The following MAPK10 variants were observed in gnomAD, a reference collection of about 807,000 sequenced individuals.
MAPK10 encodes JNK3 alpha protein kinase.
Under a neutral mutation model 59.3 loss-of-function variants are expected in MAPK10, and 25 were observed. The ratio of observed to expected loss-of-function variants is 0.42; its 90% CI spans 0.31 to 0.59. The LOEUF (loss-of-function observed/expected upper bound fraction) is 0.59, where lower values mean the gene tolerates loss of function less well. MAPK10 is among the 20% of genes least tolerant of loss of function. The probability of loss-of-function intolerance (pLI) is 0.15; values close to 1 mark genes in which losing one functional copy is unlikely to be tolerated. For missense variants in MAPK10, 351 were observed against 568.9 expected, an observed-to-expected ratio of 0.62 and a Z score of 3.90; for synonymous variants, 190 against 200.5, an observed-to-expected ratio of 0.95 and a Z score of 0.44.
chr4:86,204,567 A>C (rs534200788), intron 2 of MAPK10, among the ~76,000 whole-genome samples: 2 of 152,122 alleles, frequency 1.3e-5, no homozygotes, highest in South Asian at 2.1e-4. Flanking sequence ...ACAGCATACA[A>C]ATATGAGAAA....
chr4:86,551,752 G>GAA (rs1759808222), intron 1 of MAPK10, among the ~76,000 whole-genome samples: 1 of 152,010 alleles, frequency 6.6e-6, no homozygotes, highest in Non-Finnish European at 1.5e-5. Context: ...TCACAGGAGG[G>GAA]CACCACCACA....
chr4:86,216,883 T>C (rs2087822115), intron 2 of MAPK10, among the ~76,000 whole-genome samples: 1 of 152,156 alleles, frequency 6.6e-6, no homozygotes, highest in Non-Finnish European at 1.5e-5. Flanking sequence ...TACTTTTATG[T>C]ATATTTGTTT....
At chr4:86,315,763 T>C (rs567473044) in intron 2 of MAPK10, among the ~76,000 whole-genome samples, 1 of 152,118 alleles carries the variant, frequency 6.6e-6, no homozygotes, top group Non-Finnish European at 1.5e-5. Context: ...CTTGGCAAAG[T>C]AATACATTTT....
chr4:86,024,551 T>A (rs1749185956), intron 13 of MAPK10: 1 of 152,212 alleles, frequency 6.6e-6, no homozygotes, highest in Non-Finnish European at 1.5e-5. Flanking sequence ...TTTTACTGCT[T>A]TCATTATACT....
At chr4:86,473,987 CA>C (rs1027191491) in intron 1 of MAPK10, among the ~76,000 whole-genome samples, 2 of 146,114 alleles carry the variant, frequency 1.4e-5, no homozygotes, top group Non-Finnish European at 1.5e-5. Flanking sequence ...TTGTCTCTAC[CA>C]AAAAAAAAAG....
chr4:86,230,529 C>A (rs2091387321), intron 2 of MAPK10, among the ~76,000 whole-genome samples: 1 of 152,134 alleles, frequency 6.6e-6, no homozygotes, highest in African/African-American at 2.4e-5. Context: ...ATGGAAAAAA[C>A]CATGAGGATA....
chr4:86,048,422 C>A (rs1233143685), intron 11 of MAPK10, among the ~76,000 whole-genome samples: 1 of 152,044 alleles, frequency 6.6e-6, no homozygotes, highest in Admixed American at 6.6e-5. Flanking sequence ...ACATTAGCCC[C>A]AAGGATATTC....
chr4:86,361,206 G>A (rs955561797), upstream of MAPK10, among the ~76,000 whole-genome samples: 4 of 152,146 alleles, frequency 2.6e-5, no homozygotes, highest in South Asian at 2.1e-4. Context: ...AAACGCATAC[G>A]TTTTTGTTGT....
intron 2 of MAPK10, among the ~76,000 whole-genome samples, chr4:86,254,941 A>G (rs559289662): frequency 2.6e-5 from 4 of 152,168 alleles, no homozygotes; most frequent in Non-Finnish European, 4.4e-5. Flanking sequence ...AACAGAAGAT[A>G]AGCTAACATC....
At chr4:86,323,670 C>T (rs1177752227) in intron 2 of MAPK10, among the ~76,000 whole-genome samples, 1 of 152,148 alleles carries the variant, frequency 6.6e-6, no homozygotes, top group Non-Finnish European at 1.5e-5. Flanking sequence ...GTCTCTGAGG[C>T]TTTAGTGCCT....
intron 5 of MAPK10, chr4:86,106,764 C>T (rs12505566): frequency 0.75 from 114,667 of 152,144 alleles, 44,543 homozygotes; most frequent in East Asian, 0.89. Flanking sequence ...AATTAGAGGC[C>T]ACCACCAGGC....
At chr4:86,297,293 A>C (rs1584268694) in intron 2 of MAPK10, among the ~76,000 whole-genome samples, 1 of 151,966 alleles carries the variant, frequency 6.6e-6, no homozygotes, top group Non-Finnish European at 1.5e-5. Flanking sequence ...TGTTATATAG[A>C]GTTTTTGTTT....
chr4:86,079,572 T>C (rs2050210514), intron 9 of MAPK10: 1 of 152,174 alleles, frequency 6.6e-6, no homozygotes, highest in Non-Finnish European at 1.5e-5. Context: ...ATTTTGAAAA[T>C]GAGAAGAGGC....
chr4:86,245,364 T>G (rs1047787191), intron 2 of MAPK10, among the ~76,000 whole-genome samples: 2 of 149,708 alleles, frequency 1.3e-5, no homozygotes, highest in African/African-American at 5.0e-5. Context: ...CAGACTGGAG[T>G]GCAATGATGT....
chr4:86,459,569 G>A (rs1751542513), intron 1 of MAPK10, among the ~76,000 whole-genome samples: 1 of 152,188 alleles, frequency 6.6e-6, no homozygotes, highest in East Asian at 1.9e-4. Context: ...ATAGATGATG[G>A]AATACTACTC....
intron 2 of MAPK10, among the ~76,000 whole-genome samples, chr4:86,289,819 C>A (rs1584146931): frequency 6.6e-6 from 1 of 151,992 alleles, no homozygotes; most frequent in Non-Finnish European, 1.5e-5. Flanking sequence ...TTAGACCCAA[C>A]AGGACTTGCC....
At chr4:86,102,600 A>G (rs2055669471) in intron 6 of MAPK10, 1 of 153,352 alleles carries the variant, frequency 6.5e-6, no homozygotes, top group Non-Finnish European at 1.5e-5. Context: ...AGCTCACTGC[A>G]ACCTCCGTCT....
intron 1 of MAPK10, among the ~76,000 whole-genome samples, chr4:86,434,881 T>C (rs1748504335): frequency 6.6e-6 from 1 of 152,186 alleles, no homozygotes; most frequent in African/African-American, 2.4e-5. Context: ...TAACCAAACA[T>C]GGGATCAACC....
At chr4:86,437,682 A>AT (rs1554264141) in intron 1 of MAPK10, among the ~76,000 whole-genome samples, 1 of 152,196 alleles carries the variant, frequency 6.6e-6, no homozygotes, top group Non-Finnish European at 1.5e-5. Flanking sequence ...AGTTGTTATC[A>AT]TATCTTTTTA....
Sources: allele counts gnomAD v4.1 joint callset (sites outside exome capture counted in the v4.1 genomes callset), GRCh38; gene constraint gnomAD v4.1.1; transcripts MANE v1.5; gene names NCBI Gene and HGNC (gene_info 2026-07-23, HGNC 2026-07-21).